The following EDEM3 variants were observed in gnomAD, a reference collection of about 807,000 sequenced individuals.
The protein encoded by EDEM3 is ER degradation-enhancing alpha-mannosidase-like protein 3.
In EDEM3, 60 loss-of-function variants were observed where a neutral mutation model predicts 110.2. The ratio of observed to expected loss-of-function variants is 0.54; its 90% CI spans 0.44 to 0.67. The LOEUF (loss-of-function observed/expected upper bound fraction) is 0.67. EDEM3 is among the 30% of genes least tolerant of loss of function. The pLI is 0.00. For missense variants in EDEM3, 996 were observed against 1,121.0 expected, an observed-to-expected ratio of 0.89 and a Z score of 1.59; for synonymous variants, 352 against 382.9, an observed-to-expected ratio of 0.92 and a Z score of 0.94.
intron 4 of EDEM3, among the ~76,000 whole-genome samples, chr1:184,735,324 C>T (rs1651762737): frequency 1.3e-5 from 2 of 152,294 alleles, no homozygotes; most frequent in Middle Eastern, 3.4e-3. Context: ...AGTAGAGTGT[C>T]TGACTTAAGT....
At chr1:184,719,045 A>G (rs2102084962) in intron 11 of EDEM3, 117 bp downstream of exon 11, 1 of 517,548 alleles carries the variant, frequency 1.9e-6, no homozygotes, top group Non-Finnish European at 3.3e-6. Flanking sequence ...AAGAACCAAC[A>G]AGCCTTGAAG....
chr1:184,730,948 A>C (rs1181672823), intron 6 of EDEM3, among the ~76,000 whole-genome samples: 1 of 152,170 alleles, frequency 6.6e-6, no homozygotes, highest in Non-Finnish European at 1.5e-5. Flanking sequence ...GGGATATGGA[A>C]ATAAGAGAGA....
At chr1:184,735,852 G>A (rs1174489418) in intron 4 of EDEM3, among the ~76,000 whole-genome samples, 1 of 152,054 alleles carries the variant, frequency 6.6e-6, no homozygotes, top group Non-Finnish European at 1.5e-5. Flanking sequence ...GTATCACTTT[G>A]TTAATCTAAT....
At chr1:184,743,910 C>A (rs1470596542) in intron 2 of EDEM3, among the ~76,000 whole-genome samples, 3 of 151,682 alleles carry the variant, frequency 2.0e-5, no homozygotes, top group East Asian at 3.9e-4. Context: ...TCCACCTTTA[C>A]CTCACATCAT....
chr1:184,753,960 T>C (rs1652933238), intron 1 of EDEM3, among the ~76,000 whole-genome samples: 1 of 152,174 alleles, frequency 6.6e-6, no homozygotes, highest in Admixed American at 6.5e-5. Flanking sequence ...CCCCAAACAT[T>C]CTATTATGAA....
At chr1:184,743,928 A>T (rs187987539) in intron 2 of EDEM3, among the ~76,000 whole-genome samples, 2,125 of 152,166 alleles carry the variant, frequency 0.014, 22 homozygotes, top group Non-Finnish European at 0.019. Flanking sequence ...CATATACAAA[A>T]ATTAACTCAA....
At chr1:184,728,993 G>A (rs562261847) in intron 6 of EDEM3, among the ~76,000 whole-genome samples, 59 of 152,198 alleles carry the variant, frequency 3.9e-4, no homozygotes, top group Non-Finnish European at 7.4e-4. Context: ...GGGAAGAAGG[G>A]TTCAGTGCTT....
In EDEM3 at chr1:184,711,728, G is replaced by A. The variant is rs1281448518; in HGVS notation, c.1686C>T (p.Ile562=). ...TATAAAATAATACATCTTACACTCTGATGATGCCTCTAGGACAGCTCTTAT... is the reference window on the plus strand; with the variant it reads ...TATAAAATAATACATCTTACACTCTAATGATGCCTCTAGGACAGCTCTTAT... ...VVDKSCPRGI[I]RVEESFRSGA... The change falls in exon 15 of 20, where the codon ATC becomes ATT. Residue 562 remains isoleucine, a synonymous_variant. Coordinates refer to ENST00000318130, the MANE Select transcript of EDEM3 (RefSeq NM_025191.4). 1.3e-6 allele frequency: 2 copies of A among 1,597,722 alleles called. No homozygotes were observed. Among genetic ancestry groups the A allele is most frequent in the African/African-American group, 2.7e-5 (2 of 73,926 alleles).
intron 19 of EDEM3, among the ~76,000 whole-genome samples, chr1:184,700,335 T>C (rs555167820): frequency 2.0e-5 from 3 of 151,972 alleles, no homozygotes; most frequent in African/African-American, 4.8e-5. Flanking sequence ...TATGGAAAAA[T>C]ACGTATTTGT....
At chr1:184,722,870 T>A (rs1392365750) in intron 8 of EDEM3, among the ~76,000 whole-genome samples, 1 of 151,960 alleles carries the variant, frequency 6.6e-6, no homozygotes, top group Non-Finnish European at 1.5e-5. Flanking sequence ...CAGGGTGTTT[T>A]ATAAAGATAA....
At chr1:184,740,817 C>A (rs960774670) in intron 2 of EDEM3, among the ~76,000 whole-genome samples, 2 of 152,070 alleles carry the variant, frequency 1.3e-5, no homozygotes, top group African/African-American at 2.4e-5. Flanking sequence ...TTAATAAAGG[C>A]CAAGTTATTG....
intron 9 of EDEM3, among the ~76,000 whole-genome samples, chr1:184,720,117 TCAG>T (rs1462884306): frequency 1.3e-5 from 2 of 152,242 alleles, no homozygotes; most frequent in Non-Finnish European, 2.9e-5. Flanking sequence ...TAGATATTTC[TCAG>T]CTTTGACAAA....
chr1:184,699,175 AG>A (rs1415104290), intron 19 of EDEM3, among the ~76,000 whole-genome samples: 5 of 151,718 alleles, frequency 3.3e-5, no homozygotes, highest in African/African-American at 1.2e-4. Context: ...TGGATGTTTT[AG>A]AACCATTCAT....
chr1:184,739,716 G>T (rs1369529171), intron 2 of EDEM3, among the ~76,000 whole-genome samples: 1 of 152,114 alleles, frequency 6.6e-6, no homozygotes, highest in Non-Finnish European at 1.5e-5. Flanking sequence ...TTCTGGTGTA[G>T]ATGGTAATGA....
At chr1:184,748,406 C>T (rs1211083756) in intron 2 of EDEM3, among the ~76,000 whole-genome samples, 6 of 151,098 alleles carry the variant, frequency 4.0e-5, no homozygotes, top group Admixed American at 6.6e-5. Context: ...GAGATAGTGC[C>T]GCTATACTCC....
chr1:184,748,243 T>C (rs1473875250), intron 2 of EDEM3, among the ~76,000 whole-genome samples: 1 of 152,046 alleles, frequency 6.6e-6, no homozygotes, highest in East Asian at 1.9e-4. Context: ...AGTCAGAAGT[T>C]CGAGACCAGC....
rs772877197 is a variant in EDEM3, at chr1:184,708,369, A to G, written c.1846-25T>C. 3 of 1,607,404 alleles carry G rather than the reference A, an allele frequency of 1.9e-6. No individual in the cohort carries two copies. The East Asian group carries it at 6.7e-5, about 36-fold the overall frequency. On this transcript the variant is annotated intron_variant, in intron 16 of 19. Coordinates refer to ENST00000318130, the MANE Select transcript of EDEM3 (RefSeq NM_025191.4). ...CCTATGAAAAAAACAAATTCATTTT[A>G]TCCTTCCTTTCTGGAAACTTCCACC...
At chr1:184,701,432 G>T in intron 19 of EDEM3, 1 of 1,006,072 alleles carries the variant, frequency 9.9e-7, no homozygotes, top group Non-Finnish European at 1.3e-6. Flanking sequence ...ACTTGAGTGT[G>T]TGTACACACA....
intron 18 of EDEM3, 38 bp from the exon 19 acceptor site, chr1:184,703,034 C>G: frequency 6.7e-7 from 1 of 1,499,166 alleles, no homozygotes; most frequent in Non-Finnish European, 9.0e-7. Flanking sequence ...TCAAAATATC[C>G]AGCCATTAAA....
Sources: gnomAD v4.1 joint callset for allele counts (sites outside exome capture counted in the v4.1 genomes callset) on GRCh38, gnomAD v4.1.1 for gene constraint, MANE v1.5 for transcripts, NCBI Gene and HGNC (gene_info 2026-07-23, HGNC 2026-07-21) for gene names.